Variants in SLC4A8 observed in about 807,000 individuals in gnomAD.
SLC4A8 encodes the protein solute carrier family 4 member 8.
SLC4A8 carries 40 observed loss-of-function variants against 125.0 expected under a neutral mutation model. That is an observed-to-expected ratio of 0.32 (90% CI 0.25 to 0.42). The LOEUF (loss-of-function observed/expected upper bound fraction) is 0.42. Ranked by LOEUF, SLC4A8 falls within the 10% of genes least tolerant of loss-of-function variation. SLC4A8 has a pLI of 1.00. For synonymous variants in SLC4A8, 456 were observed against 476.0 expected (o/e 0.96, Z 0.55); for missense variants, 863 against 1,355.1 (o/e 0.64, Z 5.70).
chr12:51,416,826 C>A (rs993371778), intron 1 of SLC4A8, among the ~76,000 whole-genome samples: 2 of 152,150 alleles, frequency 1.3e-5, no homozygotes, highest in African/African-American at 4.8e-5. Flanking sequence ...TACCTTAACA[C>A]TGCAGCATGC....
intron 1 of SLC4A8, chr12:51,403,311 T>G (rs372177507): frequency 5.6e-5 from 25 of 444,846 alleles, no homozygotes; most frequent in East Asian, 5.0e-4. Flanking sequence ...GATATGTGCC[T>G]GTTACTCCAC....
intron 2 of SLC4A8, among the ~76,000 whole-genome samples, chr12:51,447,707 A>G (rs907491576): frequency 7.2e-6 from 1 of 138,586 alleles, no homozygotes. Context: ...AGCATGTGGG[A>G]TTTCCACTTT....
Position 51,471,451 on chromosome 12 carries a change from A to G in SLC4A8, c.1823A>G (p.Glu608Gly). The change falls in exon 14 of 25, where the codon GAA becomes GGA. Residue 608 changes from glutamate to glycine, a missense_variant. By Grantham distance (98) the Glu-to-Gly change is moderately conservative. Transcript: ENST00000453097. ...CTAATTTGCATTATTTTCATCTATG[A>G]AGCAATAGAAAAACTGATTCACCTG... The part of the protein sequence containing the change: ...ASLICIIFIY[E>G]AIEKLIHLAE... 3 of 1,614,164 alleles carry G rather than the reference A, an allele frequency of 1.9e-6. No individual in the cohort carries two copies. Among genetic ancestry groups the G allele is most frequent in the Non-Finnish European group, 2.5e-6 (3 of 1,180,016 alleles).
In SLC4A8 at chr12:51,513,601, C is replaced by A. The variant is rs1024888659; in HGVS notation, c.*6163C>A. On this transcript the variant is annotated 3_prime_UTR_variant, in exon 25 of 25. Transcript: ENST00000453097. ...TCCTGAGTAGCTGGGACTATAGGCG[C>A]GCACCACCATGCCCAGCTAATTTTT... 6.6e-6 allele frequency: 1 copy of A among 152,254 alleles called. No homozygotes were observed. The highest frequency in any genetic ancestry group is 1.5e-5 in the Non-Finnish European group (1 of 68,142). The allele number at this position is 152,254 out of a possible 1,614,324, so 9.4% of individuals were successfully genotyped here. A position where few individuals can be genotyped will look rare whatever the true frequency, so the allele number is the denominator to read the frequency against.
At position 51,512,969 on chromosome 12, in the gene SLC4A8, T is replaced by G. The variant is rs1938417920; in HGVS notation, c.*5531T>G. 1 of 152,240 alleles carries G rather than the reference T, an allele frequency of 6.6e-6. No homozygotes were observed. The highest frequency in any genetic ancestry group is 1.5e-5 in the Non-Finnish European group (1 of 68,058). 9.4% of individuals were successfully genotyped at this position (152,240 alleles called of 1,614,324 possible). ...TTGGGCCAGGGAAGTGGTGCACCTC[T>G]TTTATAACAATGGGAGATTTCAGAA... On this transcript the variant is annotated 3_prime_UTR_variant, in exon 25 of 25. Coordinates refer to ENST00000453097, the MANE Select transcript of SLC4A8 (RefSeq NM_001039960.3).
At chr12:51,447,431 TG>T (rs1949808946) in intron 2 of SLC4A8, among the ~76,000 whole-genome samples, 1 of 151,988 alleles carries the variant, frequency 6.6e-6, no homozygotes, top group African/African-American at 2.4e-5. Context: ...GCACATCTGA[TG>T]GGGGAAATCA....
chr12:51,428,209 C>T (rs1192735727), intron 1 of SLC4A8, among the ~76,000 whole-genome samples: 2 of 152,194 alleles, frequency 1.3e-5, no homozygotes, highest in African/African-American at 4.8e-5. Flanking sequence ...TCATCCCAGT[C>T]ACTCTCTTTA....
chr12:51,454,946 T>G (rs1423411646), intron 5 of SLC4A8, among the ~76,000 whole-genome samples: 4 of 48,316 alleles, frequency 8.3e-5, no homozygotes, highest in African/African-American at 3.5e-4. Flanking sequence ...TAGGCAGAGG[T>G]CCCTGCGGCC....
intron 1 of SLC4A8, among the ~76,000 whole-genome samples, chr12:51,416,931 C>T (rs1421089915): frequency 2.0e-5 from 3 of 152,010 alleles, no homozygotes; most frequent in South Asian, 2.1e-4. Context: ...TCAAAACCAG[C>T]CTGGGTAACA....
At chr12:51,422,403 T>A (rs1202396188), upstream of SLC4A8, among the ~76,000 whole-genome samples, 1 of 152,168 alleles carries the variant, frequency 6.6e-6, no homozygotes, top group African/African-American at 2.4e-5. Context: ...AGGGTCTCAC[T>A]CTGTCACCTC....
At chr12:51,428,540 C>G (rs1257426258) in intron 1 of SLC4A8, among the ~76,000 whole-genome samples, 1 of 152,202 alleles carries the variant, frequency 6.6e-6, no homozygotes, top group Non-Finnish European at 1.5e-5. Flanking sequence ...GGCGTTGAAG[C>G]TGGAAAATCT....
intron 16 of SLC4A8, among the ~76,000 whole-genome samples, chr12:51,475,425 T>C (rs1369967926): frequency 6.6e-6 from 1 of 152,220 alleles, no homozygotes; most frequent in South Asian, 2.1e-4. Flanking sequence ...GGTTTACAAG[T>C]GCCAGTTAAG....
chr12:51,400,370 T>G (rs1002903912), intron 1 of SLC4A8, among the ~76,000 whole-genome samples: 1 of 152,152 alleles, frequency 6.6e-6, no homozygotes, highest in Non-Finnish European at 1.5e-5. Context: ...TCCCCCACTG[T>G]GGTAGTGGGC....
At chr12:51,433,291 C>T (rs1949257205) in intron 1 of SLC4A8, among the ~76,000 whole-genome samples, 1 of 152,162 alleles carries the variant, frequency 6.6e-6, no homozygotes, top group Non-Finnish European at 1.5e-5. Context: ...TCTATCTAGT[C>T]CTTGAGGTAG....
chr12:51,440,432 C>A (rs916268083), intron 1 of SLC4A8, among the ~76,000 whole-genome samples: 13 of 150,738 alleles, frequency 8.6e-5, no homozygotes, highest in Non-Finnish European at 1.6e-4. Context: ...TTTTAAAAGA[C>A]CTAGGCTCAG....
At chr12:51,499,875 G>A (rs1937774233) in intron 22 of SLC4A8, among the ~76,000 whole-genome samples, 1 of 152,142 alleles carries the variant, frequency 6.6e-6, no homozygotes, top group South Asian at 2.1e-4. Flanking sequence ...GTGTGTTTGA[G>A]GAACACCAAG....
chr12:51,422,080 A>G (rs1329170168), upstream of SLC4A8: 1 of 152,250 alleles, frequency 6.6e-6, no homozygotes, highest in Non-Finnish European at 1.5e-5. Context: ...GTTCTCAGCA[A>G]AAGTGTTTTG....
chr12:51,502,098 C>T (rs10876188), intron 22 of SLC4A8: 60,990 of 152,036 alleles, frequency 0.4, 12,661 homozygotes, highest in Non-Finnish European at 0.45. Flanking sequence ...TAATCAAAAA[C>T]ATGAAAGCAC....
intron 1 of SLC4A8, among the ~76,000 whole-genome samples, chr12:51,396,954 G>A (rs1948275710): frequency 8.6e-6 from 1 of 115,734 alleles, no homozygotes; most frequent in Non-Finnish European, 1.7e-5. Flanking sequence ...TTTTGAGACG[G>A]AGTCTCATTC....
Sources: gnomAD v4.1 joint callset for allele counts (sites outside exome capture counted in the v4.1 genomes callset) on GRCh38, gnomAD v4.1.1 for gene constraint, MANE v1.5 for transcripts, NCBI Gene and HGNC (gene_info 2026-07-23, HGNC 2026-07-21) for gene names.